The following CDH18 variants were observed in gnomAD, a reference collection of about 807,000 sequenced individuals.
CDH18 encodes cadherin 18.
Under a neutral mutation model 67.9 loss-of-function variants are expected in CDH18, and 31 were observed. The ratio of observed to expected loss-of-function variants is 0.46; its 90% CI spans 0.34 to 0.62. The LOEUF (loss-of-function observed/expected upper bound fraction) is 0.62. Among genes scored for constraint, CDH18 ranks in the 20% least tolerant of loss-of-function variants. CDH18 has a pLI of 0.01. For missense variants in CDH18, 890 were observed against 975.5 expected, an observed-to-expected ratio of 0.91 and a Z score of 1.17; for synonymous variants, 362 against 347.2, an observed-to-expected ratio of 1.04 and a Z score of -0.48.
At chr5:20,031,179 T>C (rs1036018437) in intron 2 of CDH18, among the ~76,000 whole-genome samples, 12 of 152,082 alleles carry the variant, frequency 7.9e-5, no homozygotes, top group African/African-American at 2.9e-4. Context: ...CTCTGATCTT[T>C]ATTCATTCTG....
chr5:19,671,919 T>C (rs2150353002), intron 5 of CDH18, among the ~76,000 whole-genome samples: 1 of 152,176 alleles, frequency 6.6e-6, no homozygotes, highest in Non-Finnish European at 1.5e-5. Context: ...TCACCACCAG[T>C]GATGCAACAA....
At chr5:19,514,632 C>A (rs1745662305) in intron 10 of CDH18, among the ~76,000 whole-genome samples, 1 of 152,210 alleles carries the variant, frequency 6.6e-6, no homozygotes, top group Non-Finnish European at 1.5e-5. Context: ...CTGTTGGCTG[C>A]ATAAATGTCT....
chr5:20,519,942 CTTTTTTTTTTTTTTTTTTTTTTTTT>C (rs777265512), intron 1 of CDH18, among the ~76,000 whole-genome samples: 1,418 of 41,724 alleles, frequency 0.034, 50 homozygotes, highest in African/African-American at 0.12. Flanking sequence ...ACAGTCTTGG[CTTTTTTTTTTTTTTTTTTTTTTTTT>C]TTTTTTTTTT....
Position 19,994,726 on chromosome 5 carries a change from TATATATATATATAGAGAGAGAGAGAG to T in CDH18, c.-517-2738_-517-2713del, listed in dbSNP as rs1186528860. Among the ~76,000 whole-genome samples, 118 of 23,406 alleles carry T rather than the reference TATATATATATATAGAGAGAGAGAGAG, an allele frequency of 5.0e-3. 2 individuals are homozygous for T. Among genetic ancestry groups the T allele is most frequent in the African/African-American group, 9.0e-3 (57 of 6,314 alleles). The allele number at this position is 23,406 out of a possible 152,430, so 15.4% of individuals were successfully genotyped here. Reference sequence around the variant, plus strand: ...GTATATATATATATATATATATATATATATATATATATAGAGAGAGAGAGAGAGAGAGAGAGAGAGAGAGAGAGAGA... The same window carrying T: ...GTATATATATATATATATATATATATAGAGAGAGAGAGAGAGAGAGAGAGA... On this transcript the variant is annotated intron_variant, in intron 2 of 14. Transcript: ENST00000507958.
intron 11 of CDH18, among the ~76,000 whole-genome samples, chr5:19,496,737 G>A (rs568869197): frequency 3.4e-4 from 51 of 148,756 alleles, no homozygotes; most frequent in African/African-American, 1.2e-3. Flanking sequence ...GCTTGAACCT[G>A]AGAGGCGGAG....
intron 2 of CDH18, among the ~76,000 whole-genome samples, chr5:20,037,246 C>T (rs1245931413): frequency 6.6e-6 from 1 of 152,028 alleles, no homozygotes; most frequent in Non-Finnish European, 1.5e-5. Context: ...TTTACAGCAG[C>T]TGATACCGGT....
chr5:20,344,400 T>C (rs1462296039), intron 1 of CDH18, among the ~76,000 whole-genome samples: 1 of 152,114 alleles, frequency 6.6e-6, no homozygotes, highest in East Asian at 1.9e-4. Context: ...GGGCATCCAG[T>C]ATGTCTTGGT....
intron 2 of CDH18, among the ~76,000 whole-genome samples, chr5:20,123,644 T>C (rs1175263506): frequency 6.6e-6 from 1 of 152,064 alleles, no homozygotes; most frequent in East Asian, 1.9e-4. Context: ...TCCCAGCACT[T>C]TGGGACGCCG....
chr5:19,934,032 C>T (rs1047279246), intron 2 of CDH18, among the ~76,000 whole-genome samples: 2 of 151,236 alleles, frequency 1.3e-5, no homozygotes, highest in Non-Finnish European at 3.0e-5. Context: ...ATTCCAGTTC[C>T]GGTAGTTCCA....
At chr5:19,874,040 T>A (rs1358251452) in intron 2 of CDH18, among the ~76,000 whole-genome samples, 3 of 152,230 alleles carry the variant, frequency 2.0e-5, no homozygotes, top group Non-Finnish European at 4.4e-5. Flanking sequence ...TATACTGGCA[T>A]GTGCTCAAGG....
chr5:20,554,880 C>A (rs1397236231), intron 1 of CDH18, among the ~76,000 whole-genome samples: 1 of 152,150 alleles, frequency 6.6e-6, no homozygotes, highest in Admixed American at 6.6e-5. Flanking sequence ...GATGAAGAGA[C>A]TCAATAGAGA....
At chr5:19,628,924 G>GAA (rs773519371) in intron 5 of CDH18, among the ~76,000 whole-genome samples, 2 of 141,974 alleles carry the variant, frequency 1.4e-5, no homozygotes, top group Non-Finnish European at 1.5e-5. Flanking sequence ...CATTCAGAAA[G>GAA]AAAAAAAAAA....
chr5:19,610,682 T>C (rs944708317), intron 6 of CDH18, among the ~76,000 whole-genome samples: 2 of 152,088 alleles, frequency 1.3e-5, no homozygotes, highest in Non-Finnish European at 2.9e-5. Context: ...ATAAAGAGTA[T>C]ATTCTGTTGA....
At position 19,784,212 on chromosome 5, in the gene CDH18, G is replaced by A. The variant is rs557467891; in HGVS notation, c.229-36976C>T. ...TGAATAAAAATATACACAAAAATAA[G>A]AAGAGGGAAAAATTCAAACAGTTTA... On this transcript the variant is annotated intron_variant, in intron 3 of 12. Coordinates refer to ENST00000382275, the MANE Select transcript of CDH18 (RefSeq NM_004934.5). 5.3e-5 allele frequency among the ~76,000 whole-genome samples: 8 copies of A among 152,140 alleles called. No individual in the cohort carries two copies. The East Asian group carries it at 1.4e-3, about 26-fold the overall frequency.
chr5:19,534,286 G>T (rs2127005482), intron 9 of CDH18, among the ~76,000 whole-genome samples: 1 of 150,350 alleles, frequency 6.7e-6, no homozygotes, highest in South Asian at 2.1e-4. Flanking sequence ...AGTGAAAGGA[G>T]ATTAATACAT....
intron 3 of CDH18, among the ~76,000 whole-genome samples, chr5:19,760,304 GCTTTGGTCAAGGGTATAT>G (rs1310784113): frequency 2.6e-4 from 40 of 152,196 alleles, no homozygotes; most frequent in Admixed American, 1.6e-3. Context: ...ATTTCACAAG[GCTTTGGTCAAGGGTATAT>G]CTTCTGGACT....
In CDH18 at chr5:19,777,759, T is replaced by C. The variant is rs1774568216; in HGVS notation, c.229-30523A>G. 2.6e-5 allele frequency among the ~76,000 whole-genome samples: 4 copies of C among 152,202 alleles called. No individual in the cohort carries two copies. In the South Asian group the frequency reaches 8.3e-4, roughly 31 times the overall value. ...ATATTTTCAAAGTAAGCTAGTTTTA[T>C]ACCTGAAATTTTTCAGAATGCCTGG... On this transcript the variant is annotated intron_variant, in intron 3 of 12. Coordinates refer to ENST00000382275, the MANE Select transcript of CDH18 (RefSeq NM_004934.5).
At chr5:20,383,889 AT>A (rs1312674617) in intron 1 of CDH18, among the ~76,000 whole-genome samples, 3 of 152,282 alleles carry the variant, frequency 2.0e-5, no homozygotes, top group African/African-American at 7.2e-5. Flanking sequence ...CAAGACTATA[AT>A]ACAGGAATTG....
chr5:19,479,373 C>T (rs997249873), intron 12 of CDH18, among the ~76,000 whole-genome samples: 4 of 151,934 alleles, frequency 2.6e-5, no homozygotes, highest in African/African-American at 4.8e-5. Context: ...TTGGTTTTGT[C>T]GATATTTATG....
Sources: allele counts gnomAD v4.1 joint callset (sites outside exome capture counted in the v4.1 genomes callset), GRCh38; gene constraint gnomAD v4.1.1; transcripts MANE v1.5; gene names NCBI Gene and HGNC (gene_info 2026-07-23, HGNC 2026-07-21).